Variants in CLEC1B observed in about 807,000 individuals in gnomAD.
The protein encoded by CLEC1B is C-type lectin-like receptor 2.
A neutral mutation model predicts 26.7 loss-of-function variants in CLEC1B; 26 were observed. The observed-to-expected ratio is 0.97, with a 90% CI of 0.71 to 1.35. The LOEUF is 1.35. CLEC1B is among the 40% of genes most tolerant of loss of function. CLEC1B has a pLI of 0.00. For missense variants in CLEC1B, 293 were observed against 282.6 expected, an observed-to-expected ratio of 1.04 and a Z score of -0.26; for synonymous variants, 112 against 96.0, an observed-to-expected ratio of 1.17 and a Z score of -0.97.
intron 4 of CLEC1B, among the ~76,000 whole-genome samples, chr12:9,996,338 A>C (rs1432163691): frequency 6.6e-6 from 1 of 152,236 alleles, no homozygotes; most frequent in Admixed American, 6.5e-5. Context: ...TTAGTTATAA[A>C]TCTTCAACCT....
chr12:9,996,084 A>G (rs1399894746), intron 4 of CLEC1B, among the ~76,000 whole-genome samples: 2 of 152,208 alleles, frequency 1.3e-5, no homozygotes, highest in Non-Finnish European at 2.9e-5. Flanking sequence ...TAAATAAAAA[A>G]TGACTTGAGC....
intron 1 of CLEC1B, among the ~76,000 whole-genome samples, 200 bp from the exon 2 acceptor site, chr12:9,998,580 T>C (rs7980702): frequency 0.26 from 20,507 of 80,242 alleles, 5,828 homozygotes; most frequent in Middle Eastern, 0.33. Flanking sequence ...CATTCTCATC[T>C]CCAATGCACT....
chr12:9,997,105 C>G, intron 3 of CLEC1B, 55 bp downstream of exon 3: 1 of 1,609,796 alleles, frequency 6.2e-7, no homozygotes, highest in South Asian at 1.1e-5. Context: ...CAGTTGCCAT[C>G]AGAGAAATGC....
At chr12:9,994,628 T>C (rs999285952) in intron 5 of CLEC1B, among the ~76,000 whole-genome samples, 2 of 152,130 alleles carry the variant, frequency 1.3e-5, no homozygotes, top group Non-Finnish European at 2.9e-5. Context: ...TTAATGGACA[T>C]TGGAATTATC....
rs548647712 is a variant in CLEC1B, at chr12:9,997,238, G to C, written c.205C>G (p.Arg69Gly). 34 of 1,612,894 alleles carry C rather than the reference G, an allele frequency of 2.1e-5. No homozygotes were observed. In the African/African-American group the frequency reaches 3.9e-4, roughly 18 times the overall value. ...RNYLQGENEN[R>G]TGTLQQLAKR... ...GCTAATTGTTGCAGAGTTCCTGTGC[G>C]ATTTTCATTCTCACCTTGTAGGTAA... is the stretch of plus-strand genomic sequence containing the variant. The change falls in exon 3 of 6, where the codon CGC becomes GGC. Residue 69 changes from arginine to glycine, a missense_variant. Transcript: ENST00000298527.
At position 9,993,171 on chromosome 12, in the gene CLEC1B, C is replaced by A. The variant is rs1238893072; in HGVS notation, c.662G>T (p.Gly221Val). 6.2e-7 allele frequency: 1 copy of A among 1,611,682 alleles called. No individual in the cohort carries two copies. Among genetic ancestry groups the A allele is most frequent in the Admixed American group, 1.7e-5 (1 of 59,956 alleles). Residue 221 changes from glycine (G) to valine (V), a missense_variant, in exon 6 of 6, where the codon GGC (glycine) becomes GTC (valine). Gly to Val is a moderately radical substitution (Grantham distance 109). Transcript: ENST00000298527. The part of the protein sequence containing the change: ...KHYLMCERKA[G>V]MTKVDQLP ...AGGTAGTTGGTCCACCTTGGTCATGCCAGCCTTCCTCTCACACATTAAATA... is the reference window on the plus strand; with the variant it reads ...AGGTAGTTGGTCCACCTTGGTCATGACAGCCTTCCTCTCACACATTAAATA...
rs1304625772 is a variant in CLEC1B at position 9,996,867 on chromosome 12, C to T, written c.417G>A (p.Lys139=). 6.2e-7 allele frequency: 1 copy of T among 1,614,088 alleles called. No homozygotes were observed. The highest frequency in any genetic ancestry group is 8.5e-7 in the Non-Finnish European group (1 of 1,179,984). The change falls in exon 4 of 6, where the codon AAG becomes AAA. Residue 139 remains lysine (K), a synonymous_variant. Transcript: ENST00000298527. The stretch of plus-strand genomic sequence containing the variant: ...TTACCACAATGTTCCGGTTGTCAAT[C>T]TTCAGGAGAGTAGCATTCATGTCAG... ...YCTDMNATLL[K]IDNRNIVEYI...
intron 5 of CLEC1B, among the ~76,000 whole-genome samples, chr12:9,994,833 G>GCACA (rs34982294): frequency 0.023 from 3,500 of 150,864 alleles, 56 homozygotes; most frequent in Non-Finnish European, 0.036. Flanking sequence ...GTGCATGCGC[G>GCACA]CACACACACA....
chr12:10,000,713 T>G (rs984990034), upstream of CLEC1B, among the ~76,000 whole-genome samples: 1 of 152,184 alleles, frequency 6.6e-6, no homozygotes, highest in Non-Finnish European at 1.5e-5. Flanking sequence ...TAAAAGGGAT[T>G]CTTCGCTCTC....
chr12:9,993,204 T>C lies in CLEC1B; in HGVS notation c.629A>G (p.Asn210Ser), dbSNP rs1445554183. The C allele has an allele frequency of 7.4e-6, 12 of 1,612,702 alleles. No homozygotes were observed. The highest frequency in any genetic ancestry group is 1.3e-5 in the African/African-American group (1 of 74,986). The change falls in exon 6 of 6, where the codon AAC (asparagine) becomes AGC (serine). Residue 210 changes from asparagine to serine, a missense_variant. Coordinates refer to ENST00000298527, the MANE Select transcript of CLEC1B (RefSeq NM_016509.4). ...CCTCTCACACATTAAATAATGTTTG[T>C]TCTCACAGAAGGTAGGGTGCATTTT... ...NGKMHPTFCE[N>S]KHYLMCERKA...
intron 4 of CLEC1B, chr12:9,995,684 A>C (rs1865026894): frequency 4.2e-6 from 1 of 238,384 alleles, no homozygotes; most frequent in Non-Finnish European, 8.3e-6. Context: ...AAAATCTTAC[A>C]TATGGAAGTA....
At position 9,997,010 on chromosome 12, in the gene CLEC1B, C is replaced by T. The variant is rs754081114; in HGVS notation, c.284-10G>A. On this transcript the variant is annotated splice_polypyrimidine_tract_variant and intron_variant, in intron 3 of 5. Coordinates refer to ENST00000298527, the MANE Select transcript of CLEC1B (RefSeq NM_016509.4). ...CTGCATTTATGACCTTCTGGAGAAA[C>T]CAAGCACAGGAATGGTGTATTTTTT... The T allele has an allele frequency of 6.2e-7, 1 of 1,613,544 alleles. No homozygotes were observed. Among genetic ancestry groups the T allele is most frequent in the Non-Finnish European group, 8.5e-7 (1 of 1,179,834 alleles).
At chr12:9,996,743 T>C (rs1461463420) in intron 4 of CLEC1B, 103 bp downstream of exon 4, 3 of 1,188,622 alleles carry the variant, frequency 2.5e-6, no homozygotes, top group Non-Finnish European at 3.7e-6. Flanking sequence ...TAGTACAAAC[T>C]GAAAGATGTT....
Position 9,996,925 on chromosome 12 carries a change from T to A in CLEC1B, c.359A>T (p.Asn120Ile). ...CTGCTTACTCTCTTCCCATGTTAAGTTGTGCCTGAAGAACCCATAGCAGCT... is the reference window on the plus strand; with the variant it reads ...CTGCTTACTCTCTTCCCATGTTAAGATGTGCCTGAAGAACCCATAGCAGCT... ...GDSCYGFFRHNLTWEESKQYC... is the reference protein window; with the variant it reads ...GDSCYGFFRHILTWEESKQYC... Residue 120 changes from asparagine (N) to isoleucine (I), a missense_variant, in exon 4 of 6, where the codon AAC becomes ATC. By Grantham distance (149) the Asn-to-Ile change is moderately radical. Coordinates refer to ENST00000298527, the MANE Select transcript of CLEC1B (RefSeq NM_016509.4). 6.2e-7 allele frequency: 1 copy of A among 1,614,116 alleles called. No homozygotes were observed.
intron 5 of CLEC1B, chr12:9,994,875 A>T (rs1056192510): frequency 1.4e-6 from 1 of 697,414 alleles, no homozygotes; most frequent in Non-Finnish European, 2.1e-6. Context: ...ACATGCACAC[A>T]GTGTTCCATG....
At chr12:10,001,697 T>C (rs368805528), upstream of CLEC1B, among the ~76,000 whole-genome samples, 15 of 152,216 alleles carry the variant, frequency 9.9e-5, no homozygotes, top group African/African-American at 1.7e-4. Context: ...GAAAGAGAGA[T>C]AGATATCACA....
At chr12:9,997,731 GT>G (rs1865087387) in intron 2 of CLEC1B, among the ~76,000 whole-genome samples, 1 of 152,234 alleles carries the variant, frequency 6.6e-6, no homozygotes, top group Admixed American at 6.5e-5. Context: ...GAGGATAAAT[GT>G]TAGATTCTAA....
At position 9,997,312 on chromosome 12, in the gene CLEC1B, A is replaced by C. The variant is rs1185849390; in HGVS notation, c.164-33T>G. On this transcript the variant is annotated intron_variant, in intron 2 of 5. Transcript: ENST00000298527. ...TAAAAAGTAAATAATAATAATTTGTAATTAGAACCATAGAAATGATGCAAA... is the reference window on the plus strand; with the variant it reads ...TAAAAAGTAAATAATAATAATTTGTCATTAGAACCATAGAAATGATGCAAA... 6.3e-6 allele frequency: 10 copies of C among 1,575,176 alleles called. No individual in the cohort carries two copies. The Middle Eastern group carries it at 8.5e-4, about 133-fold the overall frequency.
At chr12:9,993,459 C>A in intron 5 of CLEC1B, 172 bp from the exon 6 acceptor site, 1 of 620,106 alleles carries the variant, frequency 1.6e-6, no homozygotes, top group Non-Finnish European at 2.8e-6. Flanking sequence ...CTTGGCAGTA[C>A]AAGATATGCA....
Sources: gnomAD v4.1 joint callset for allele counts (sites outside exome capture counted in the v4.1 genomes callset) on GRCh38, gnomAD v4.1.1 for gene constraint, MANE v1.5 for transcripts, NCBI Gene and HGNC (gene_info 2026-07-23, HGNC 2026-07-21) for gene names.